Variants in STAG1 observed in about 807,000 individuals in gnomAD.
STAG1 encodes the protein cohesin subunit SA-1.
In STAG1, 26 loss-of-function variants were observed where a neutral mutation model predicts 170.9. That is an observed-to-expected ratio of 0.15 (90% CI 0.11 to 0.21). The LOEUF is 0.21. Ranked by LOEUF, STAG1 falls within the 10% of genes least tolerant of loss-of-function variation. The pLI, the probability that STAG1 is intolerant of heterozygous loss-of-function variation, is 1.00. For synonymous variants in STAG1, 514 were observed against 497.7 expected (o/e 1.03, Z -0.44); for missense variants, 964 against 1,509.5 (o/e 0.64, Z 5.99).
chr3:136,452,245 C>A, intron 13 of STAG1, 98 bp from the exon 14 acceptor site: 6 of 760,390 alleles, frequency 7.9e-6, no homozygotes, highest in Admixed American at 2.1e-5. Context: ...ACAACAACAA[C>A]AAAAAGGGGG....
intron 1 of STAG1, among the ~76,000 whole-genome samples, chr3:136,748,937 G>T (rs983594607): frequency 1.3e-5 from 2 of 152,128 alleles, no homozygotes; most frequent in Non-Finnish European, 2.9e-5. Flanking sequence ...GGCAATATAA[G>T]TAAGAGTAAG....
At chr3:136,396,520 C>CTTCT (rs2087162399) in intron 22 of STAG1, among the ~76,000 whole-genome samples, 1 of 43,638 alleles carries the variant, frequency 2.3e-5, no homozygotes, top group Non-Finnish European at 3.7e-5. Context: ...CGCGCCTGGC[C>CTTCT]TTTTTTTTTT....
In STAG1 at chr3:136,604,414, A is replaced by G; in HGVS notation, c.192T>C (p.Ile64=). The G allele has an allele frequency of 6.2e-7, 1 of 1,613,754 alleles. No homozygotes were observed. Among genetic ancestry groups the G allele is most frequent in the Non-Finnish European group, 8.5e-7 (1 of 1,179,838 alleles). The change falls in exon 4 of 34, where the codon ATT becomes ATC. Residue 64 remains isoleucine (I), a synonymous_variant. Coordinates refer to ENST00000383202, the MANE Select transcript of STAG1 (RefSeq NM_005862.3). ...PGEKSRIEAG[I]RGAGRGRANG... ...TAGCTCTTCCACGGCCTGCTCCTCT[A>G]ATTCCAGCTTCAATTCTGCTCTTCT...
rs1011302280 is a variant in STAG1 at position 136,498,022 on chromosome 3, G to A, written c.902+2201C>T. Among the ~76,000 whole-genome samples the A allele has an allele frequency of 4.9e-5, 7 of 143,638 alleles. 1 individual carries two copies. The South Asian group carries it at 6.7e-4, about 14-fold the overall frequency. 94.2% of individuals were successfully genotyped at this position (143,638 alleles called of 152,430 possible). On this transcript the variant is annotated intron_variant, in intron 9 of 33. Coordinates refer to ENST00000383202, the MANE Select transcript of STAG1 (RefSeq NM_005862.3). ...AGCCTGACCAACAGGGAGAAACTCC[G>A]TCTCTACTAAAAATACAAAATTAGC...
chr3:136,361,617 T>C (rs1936865080), intron 26 of STAG1, among the ~76,000 whole-genome samples: 1 of 152,076 alleles, frequency 6.6e-6, no homozygotes. Flanking sequence ...TTAATAATAA[T>C]TATTATTATT....
At chr3:136,550,690 T>A (rs1422514204) in intron 5 of STAG1, among the ~76,000 whole-genome samples, 1 of 152,328 alleles carries the variant, frequency 6.6e-6, no homozygotes, top group Middle Eastern at 3.4e-3. Context: ...TTATCCAATT[T>A]ATTGGTGTAG....
At chr3:136,692,339 A>AAAG (rs1942755022) in intron 1 of STAG1, among the ~76,000 whole-genome samples, 1 of 143,076 alleles carries the variant, frequency 7.0e-6, no homozygotes, top group African/African-American at 2.6e-5. Flanking sequence ...AAAAAAAAAA[A>AAAG]GTCAATTGCA....
chr3:136,595,807 C>T (rs1159482268), intron 4 of STAG1, among the ~76,000 whole-genome samples: 1 of 150,574 alleles, frequency 6.6e-6, no homozygotes, highest in Non-Finnish European at 1.5e-5. Flanking sequence ...TACCTGCCCA[C>T]CAAATCATCA....
chr3:136,508,065 T>C (rs1220755299), intron 7 of STAG1, among the ~76,000 whole-genome samples: 1 of 152,102 alleles, frequency 6.6e-6, no homozygotes, highest in East Asian at 1.9e-4. Context: ...TGAATATAAA[T>C]AATTCTGAGA....
chr3:136,493,594 G>T (rs565462536), intron 9 of STAG1, among the ~76,000 whole-genome samples: 56 of 149,434 alleles, frequency 3.7e-4, no homozygotes, highest in African/African-American at 1.3e-3. Flanking sequence ...AGTCAAGGCT[G>T]CAGTGAGCAA....
chr3:136,426,302 C>G (rs891613247), intron 16 of STAG1, among the ~76,000 whole-genome samples: 6 of 152,052 alleles, frequency 3.9e-5, no homozygotes, highest in Non-Finnish European at 5.9e-5. Flanking sequence ...CCCAGCTACT[C>G]TGGAGGCTGA....
intron 5 of STAG1, among the ~76,000 whole-genome samples, chr3:136,565,651 T>C (rs1424963303): frequency 1.3e-5 from 2 of 152,238 alleles, no homozygotes; most frequent in East Asian, 3.9e-4. Flanking sequence ...GGAATTATTA[T>C]ACGACCTAGC....
At chr3:136,341,071 G>A (rs943903403) in intron 31 of STAG1, among the ~76,000 whole-genome samples, 1 of 152,098 alleles carries the variant, frequency 6.6e-6, no homozygotes, top group African/African-American at 2.4e-5. Flanking sequence ...ACCATGCCCG[G>A]CTAATTTTTT....
At chr3:136,631,045 A>T in intron 1 of STAG1, 64 bp from the exon 2 acceptor site, 1 of 756,972 alleles carries the variant, frequency 1.3e-6, no homozygotes, top group Non-Finnish European at 2.1e-6. Context: ...CATAAACTAC[A>T]ATCAATCCAC....
chr3:136,547,987 C>T (rs1483512794), intron 5 of STAG1, among the ~76,000 whole-genome samples: 2 of 152,194 alleles, frequency 1.3e-5, no homozygotes, highest in African/African-American at 2.4e-5. Flanking sequence ...ACTATCCTTT[C>T]CCTACTGTAT....
At chr3:136,382,016 TACTC>T (rs1393478100) in intron 22 of STAG1, among the ~76,000 whole-genome samples, 2 of 152,184 alleles carry the variant, frequency 1.3e-5, no homozygotes, top group Non-Finnish European at 2.9e-5. Flanking sequence ...AATAAATAGT[TACTC>T]AATGAAATGT....
rs36212432 is a variant in STAG1, at chr3:136,729,877, C to CTTT, written c.-84+22315_-84+22317dup. The stretch of plus-strand genomic sequence containing the variant: ...TACAGGCATGAGCCACCACGCCAGG[C>CTTT]TTTTTTTTTTTTTTTTTTTTTTTTT... On this transcript the variant is annotated intron_variant, in intron 1 of 33. Coordinates refer to ENST00000383202, the MANE Select transcript of STAG1 (RefSeq NM_005862.3). Among the ~76,000 whole-genome samples, 22 of 58,546 alleles carry CTTT rather than the reference C, an allele frequency of 3.8e-4. 2 individuals are homozygous for CTTT. The highest frequency in any genetic ancestry group is 2.0e-3 in the South Asian group (3 of 1,492). 38.4% of individuals were successfully genotyped at this position (58,546 alleles called of 152,430 possible). A position where few individuals can be genotyped will look rare whatever the true frequency, so the allele number is the denominator to read the frequency against.
intron 25 of STAG1, among the ~76,000 whole-genome samples, chr3:136,366,684 CAG>C (rs1411246185): frequency 3.3e-5 from 5 of 152,222 alleles, no homozygotes; most frequent in East Asian, 3.9e-4. Context: ...CCTGCTTTTT[CAG>C]AGAGTCAGGA....
chr3:136,487,322 C>T (rs1485127654), intron 9 of STAG1, among the ~76,000 whole-genome samples: 9 of 152,140 alleles, frequency 5.9e-5, no homozygotes, highest in East Asian at 1.9e-4. Flanking sequence ...CTCCTTTTTA[C>T]GGCTGCATGG....
Sources: gnomAD v4.1 joint callset for allele counts (sites outside exome capture counted in the v4.1 genomes callset) on GRCh38, gnomAD v4.1.1 for gene constraint, MANE v1.5 for transcripts, NCBI Gene and HGNC (gene_info 2026-07-23, HGNC 2026-07-21) for gene names.